Variants in NPAS3 observed in about 807,000 individuals in gnomAD.
The protein encoded by NPAS3 is neuronal PAS domain protein 3, also known as neuronal PAS domain-containing protein 3.
In NPAS3, 14 loss-of-function variants were observed where a neutral mutation model predicts 73.1. The observed-to-expected ratio is 0.19, with a 90% CI of 0.13 to 0.30. The LOEUF is 0.30. Ranked by LOEUF, NPAS3 falls within the 10% of genes least tolerant of loss-of-function variation. The pLI, the probability that NPAS3 is intolerant of heterozygous loss-of-function variation, is 1.00. For synonymous variants in NPAS3, 620 were observed against 541.5 expected (o/e 1.14, Z -2.01); for missense variants, 1,096 against 1,250.0 (o/e 0.88, Z 1.86).
At chr14:32,940,792 C>T (rs1187460451) in intron 1 of NPAS3, among the ~76,000 whole-genome samples, 1 of 152,190 alleles carries the variant, frequency 6.6e-6, no homozygotes, top group East Asian at 1.9e-4. Flanking sequence ...TTCTATTGTA[C>T]TGTTGCTTAT....
intron 6 of NPAS3, among the ~76,000 whole-genome samples, chr14:33,686,798 G>A (rs956385270): frequency 2.6e-5 from 4 of 151,986 alleles, no homozygotes; most frequent in Non-Finnish European, 4.4e-5. Flanking sequence ...CAACCCCTGC[G>A]CCTGAGACCA....
intron 1 of NPAS3, 30 bp from the exon 2 acceptor site, chr14:33,055,875 C>CT: frequency 1.3e-6 from 1 of 782,290 alleles, no homozygotes; most frequent in Non-Finnish European, 2.3e-6. Flanking sequence ...AATCTCTAGT[C>CT]ATGTCTATCT....
intron 1 of NPAS3, among the ~76,000 whole-genome samples, chr14:33,008,163 A>C (rs1322481283): frequency 6.6e-6 from 1 of 152,240 alleles, no homozygotes; most frequent in Non-Finnish European, 1.5e-5. Flanking sequence ...TTATAAAAGC[A>C]AGAAAGAGAA....
At chr14:33,309,325 T>C (rs2042908457) in intron 3 of NPAS3, among the ~76,000 whole-genome samples, 4 of 152,296 alleles carry the variant, frequency 2.6e-5, no homozygotes, top group East Asian at 1.9e-4. Flanking sequence ...GACTAGGCCG[T>C]CAGCCCCTCA....
At chr14:32,966,776 CAAA>C (rs61620104) in intron 1 of NPAS3, among the ~76,000 whole-genome samples, 1 of 45,156 alleles carries the variant, frequency 2.2e-5, no homozygotes, top group Admixed American at 2.3e-4. Flanking sequence ...GACTCCGTCT[CAAA>C]AAAAAAAAAA....
At chr14:33,198,990 C>T (rs925539529) in intron 2 of NPAS3, among the ~76,000 whole-genome samples, 1 of 152,176 alleles carries the variant, frequency 6.6e-6, no homozygotes, top group Non-Finnish European at 1.5e-5. Context: ...TGCTAAGCCC[C>T]ACACTGTCCG....
At chr14:33,400,404 G>C (rs1351343614) in intron 4 of NPAS3, among the ~76,000 whole-genome samples, 4 of 152,132 alleles carry the variant, frequency 2.6e-5, no homozygotes, top group Non-Finnish European at 5.9e-5. Context: ...GTTCTGACTT[G>C]TTAGGGCCAT....
chr14:33,591,187 G>A (rs2057051463), intron 5 of NPAS3, among the ~76,000 whole-genome samples: 1 of 152,104 alleles, frequency 6.6e-6, no homozygotes, highest in Non-Finnish European at 1.5e-5. Context: ...TATCAACCCT[G>A]GACAGCTGTC....
chr14:33,502,201 G>A (rs1035872929), intron 4 of NPAS3, among the ~76,000 whole-genome samples: 3 of 151,862 alleles, frequency 2.0e-5, no homozygotes, highest in Admixed American at 2.0e-4. Flanking sequence ...ACAGTGGGGT[G>A]ATTTATGAAA....
At chr14:33,180,821 A>G (rs1260321568) in intron 2 of NPAS3, among the ~76,000 whole-genome samples, 1 of 151,446 alleles carries the variant, frequency 6.6e-6, no homozygotes, top group African/African-American at 2.4e-5. Flanking sequence ...AAAAAAAAAA[A>G]AAAAGACACG....
chr14:33,079,169 G>A (rs1467528150), intron 2 of NPAS3, among the ~76,000 whole-genome samples: 3 of 152,020 alleles, frequency 2.0e-5, no homozygotes, highest in Non-Finnish European at 4.4e-5. Flanking sequence ...ATTTTTCATT[G>A]AAGGGAGAAA....
chr14:32,941,938 A>T (rs1377466159), intron 1 of NPAS3, among the ~76,000 whole-genome samples: 1 of 152,220 alleles, frequency 6.6e-6, no homozygotes, highest in Non-Finnish European at 1.5e-5. Context: ...AACATTACAC[A>T]TGTAAGTTGA....
intron 2 of NPAS3, among the ~76,000 whole-genome samples, chr14:33,174,903 CAT>C (rs970119830): frequency 7.2e-5 from 11 of 152,090 alleles, no homozygotes; most frequent in African/African-American, 2.7e-4. Flanking sequence ...GCAAGGGAAA[CAT>C]ATGGAATATC....
At chr14:33,315,614 A>G (rs930199197) in intron 3 of NPAS3, among the ~76,000 whole-genome samples, 1 of 151,926 alleles carries the variant, frequency 6.6e-6, no homozygotes, top group African/African-American at 2.4e-5. Context: ...GCAGAGTACT[A>G]TAGGTGAACA....
intron 3 of NPAS3, among the ~76,000 whole-genome samples, chr14:33,220,370 C>G (rs1280802559): frequency 6.6e-6 from 1 of 152,120 alleles, no homozygotes; most frequent in Admixed American, 6.6e-5. Flanking sequence ...GAGTGAGTGC[C>G]AGGTTTTACT....
chr14:33,583,807 A>T (rs545689816), intron 5 of NPAS3, among the ~76,000 whole-genome samples: 1 of 152,312 alleles, frequency 6.6e-6, no homozygotes, highest in South Asian at 2.1e-4. Flanking sequence ...AAAGTTGGAG[A>T]AATTACTTCA....
intron 4 of NPAS3, among the ~76,000 whole-genome samples, chr14:33,508,927 C>A (rs78079317): frequency 1.3e-5 from 2 of 151,934 alleles, no homozygotes; most frequent in Non-Finnish European, 2.9e-5. Context: ...AGCTGCCCTG[C>A]GGTCTCTGGC....
intron 2 of NPAS3, among the ~76,000 whole-genome samples, chr14:33,056,755 G>T (rs1009308390): frequency 7.9e-5 from 12 of 152,164 alleles, no homozygotes; most frequent in African/African-American, 2.7e-4. Flanking sequence ...CAAAAAAGAT[G>T]AAATTTATGC....
intron 1 of NPAS3, among the ~76,000 whole-genome samples, chr14:32,999,928 G>T (rs1279986574): frequency 6.6e-6 from 1 of 152,202 alleles, no homozygotes; most frequent in Non-Finnish European, 1.5e-5. Context: ...CAAGGTATTT[G>T]TGGTGAGTTG....
Sources: allele counts gnomAD v4.1 joint callset (sites outside exome capture counted in the v4.1 genomes callset), GRCh38; gene constraint gnomAD v4.1.1; transcripts MANE v1.5; gene names NCBI Gene and HGNC (gene_info 2026-07-23, HGNC 2026-07-21).